The following AFG2A variants were observed in gnomAD, a reference collection of about 807,000 sequenced individuals.
AFG2A encodes ATPase family gene 2 protein homolog A.
chr4:123,187,203 T>A, the AFG2A span, among the ~76,000 whole-genome samples: 5 of 152,160 alleles, frequency 3.3e-5, no homozygotes, highest in Non-Finnish European at 7.4e-5. Flanking sequence ...CTGCTGTTGT[T>A]CTTTATGGTG....
chr4:123,086,489 T>TTTTG, the AFG2A span, among the ~76,000 whole-genome samples: 1 of 152,128 alleles, frequency 6.6e-6, no homozygotes, highest in East Asian at 1.9e-4. Context: ...ATGTGTAGCT[T>TTTTG]TTTGTTTGTT....
At chr4:123,036,800 T>C in the AFG2A span, among the ~76,000 whole-genome samples, 2 of 152,148 alleles carry the variant, frequency 1.3e-5, no homozygotes, top group Non-Finnish European at 2.9e-5. Context: ...AATTCTGTTC[T>C]CTTCCCTGCC....
At chr4:123,057,190 G>A in the AFG2A span, 6 of 1,613,438 alleles carry the variant, frequency 3.7e-6, no homozygotes, top group South Asian at 5.5e-5. Flanking sequence ...TTTAGCTAAT[G>A]TGGCACTCTT....
chr4:123,234,299 A>G, the AFG2A span, among the ~76,000 whole-genome samples: 2,153 of 152,122 alleles, frequency 0.014, 50 homozygotes, highest in African/African-American at 0.048. Context: ...GCTTACTACC[A>G]CTCTGACCTT....
At chr4:123,254,846 G>A in the AFG2A span, among the ~76,000 whole-genome samples, 2 of 152,096 alleles carry the variant, frequency 1.3e-5, no homozygotes, top group African/African-American at 4.8e-5. Context: ...ATATTAAGAA[G>A]GCTCATTTGA....
the AFG2A span, among the ~76,000 whole-genome samples, chr4:123,079,815 T>C: frequency 7.9e-6 from 1 of 125,944 alleles, no homozygotes; most frequent in Non-Finnish European, 1.6e-5. Flanking sequence ...AGTGGCGAGG[T>C]CTCAGCTCAC....
At chr4:123,256,203 A>C in the AFG2A span, 1 of 1,609,496 alleles carries the variant, frequency 6.2e-7, no homozygotes, top group Non-Finnish European at 8.5e-7. Flanking sequence ...CCTTCAAAAT[A>C]CCTTAGTGGG....
the AFG2A span, among the ~76,000 whole-genome samples, chr4:123,278,789 T>C: frequency 6.6e-6 from 1 of 152,202 alleles, no homozygotes; most frequent in South Asian, 2.1e-4. Context: ...TATTGGTTTC[T>C]ATTTTATTGT....
chr4:123,081,906 C>T, the AFG2A span, among the ~76,000 whole-genome samples: 1 of 152,074 alleles, frequency 6.6e-6, no homozygotes, highest in Non-Finnish European at 1.5e-5. Context: ...TGTTGACCAT[C>T]TTTTCATATG....
chr4:123,055,762 G>A, the AFG2A span, among the ~76,000 whole-genome samples: 2 of 152,100 alleles, frequency 1.3e-5, no homozygotes, highest in Non-Finnish European at 2.9e-5. Flanking sequence ...CTTGTTCTTC[G>A]GGATGTATGA....
the AFG2A span, among the ~76,000 whole-genome samples, chr4:123,070,220 A>G: frequency 7.9e-5 from 12 of 152,248 alleles, no homozygotes; most frequent in African/African-American, 2.4e-4. Context: ...CATTATGCCA[A>G]TTATAGTGCT....
chr4:123,027,392 G>T, the AFG2A span, among the ~76,000 whole-genome samples: 1 of 151,164 alleles, frequency 6.6e-6, no homozygotes, highest in South Asian at 2.1e-4. Context: ...TCACTTTTTG[G>T]CCTGTACCTA....
chr4:122,927,002 A>T, the AFG2A span, among the ~76,000 whole-genome samples: 2 of 151,200 alleles, frequency 1.3e-5, no homozygotes, highest in African/African-American at 4.9e-5. Context: ...CTAACTAAAT[A>T]TGGAGCTTGG....
chr4:123,270,918 G>C, the AFG2A span, among the ~76,000 whole-genome samples: 1 of 152,160 alleles, frequency 6.6e-6, no homozygotes, highest in African/African-American at 2.4e-5. Context: ...ACGATGAAAG[G>C]CCAGCTACGT....
the AFG2A span, among the ~76,000 whole-genome samples, chr4:123,079,835 C>T: frequency 4.2e-5 from 6 of 143,600 alleles, no homozygotes; most frequent in Admixed American, 7.5e-5. Context: ...CTGCAACCTC[C>T]GCTTCCTGGG....
the AFG2A span, chr4:122,979,252 A>G: frequency 2.5e-6 from 4 of 1,614,184 alleles, no homozygotes; most frequent in South Asian, 4.4e-5. Context: ...CTTGCGGAGA[A>G]TCCTGAAAAA....
the AFG2A span, among the ~76,000 whole-genome samples, chr4:123,200,874 C>T: frequency 6.6e-6 from 1 of 152,216 alleles, no homozygotes; most frequent in Non-Finnish European, 1.5e-5. Context: ...ATGAGTTTCT[C>T]ATTCCACAAT....
chr4:123,049,448 T>C, the AFG2A span, among the ~76,000 whole-genome samples: 1 of 152,186 alleles, frequency 6.6e-6, no homozygotes, highest in Non-Finnish European at 1.5e-5. Context: ...CTTTAAATGT[T>C]TGGTAGAATT....
chr4:122,931,453 G>A, the AFG2A span, among the ~76,000 whole-genome samples: 1 of 151,928 alleles, frequency 6.6e-6, no homozygotes, highest in African/African-American at 2.4e-5. Context: ...ATACGTATGT[G>A]TGTGTATATA....
Sources: allele counts gnomAD v4.1 joint callset (sites outside exome capture counted in the v4.1 genomes callset), GRCh38; gene constraint gnomAD v4.1.1; transcripts MANE v1.5; gene names NCBI Gene and HGNC (gene_info 2026-07-23, HGNC 2026-07-21).